The following WDR77 variants were observed in gnomAD, a reference collection of about 807,000 sequenced individuals.
The protein encoded by WDR77 is WD repeat domain 77, also known as methylosome protein WDR77.
A neutral mutation model predicts 44.0 loss-of-function variants in WDR77; 31 were observed. The observed-to-expected ratio is 0.70, with a 90% confidence interval of 0.53 to 0.95. The LOEUF (loss-of-function observed/expected upper bound fraction) is 0.95, where lower values mean the gene tolerates loss of function less well. Among genes scored for constraint, WDR77 ranks in the 40% least tolerant of loss-of-function variants. The probability of loss-of-function intolerance (pLI) is 0.00; values close to 1 mark genes in which losing one functional copy is unlikely to be tolerated. For synonymous variants in WDR77, 186 were observed against 165.7 expected, an observed-to-expected ratio of 1.12 and a Z score of -0.94; for missense variants, 390 against 423.9, an observed-to-expected ratio of 0.92 and a Z score of 0.70.
intron 4 of WDR77, among the ~76,000 whole-genome samples, chr1:111,444,539 G>C (rs1652946557): frequency 6.6e-6 from 1 of 152,100 alleles, no homozygotes; most frequent in African/African-American, 2.4e-5. Context: ...TTTCTCTAAT[G>C]TTCTCTTTCT....
chr1:111,442,178 A>G (rs935052023), intron 8 of WDR77, 85 bp from the exon 9 acceptor site: 5 of 1,347,356 alleles, frequency 3.7e-6, no homozygotes, highest in Non-Finnish European at 5.3e-6. Flanking sequence ...CCGCCACTGT[A>G]AAGTGACCCA....
At position 111,448,797 on chromosome 1, in the gene WDR77, C is replaced by A. The variant is rs897087091; in HGVS notation, c.123G>T (p.Ala41=). 1.3e-6 allele frequency: 2 copies of A among 1,579,242 alleles called. No individual in the cohort carries two copies. Among genetic ancestry groups the A allele is most frequent in the African/African-American group, 1.4e-5 (1 of 73,960 alleles). The change falls in exon 2 of 10, where the codon GCG becomes GCT. Residue 41 remains alanine (A), a synonymous_variant. Transcript: ENST00000235090. ...TCAGGCTGGAGGCCCCGAGGAGAAGCGCCCCATCTACGGGGGGTACAAGCT... is the reference window on the plus strand; with the variant it reads ...TCAGGCTGGAGGCCCCGAGGAGAAGAGCCCCATCTACGGGGGGTACAAGCT... ...LEAARYRSDG[A]LLLGASSLSG... is the part of the protein sequence containing the mutation.
intron 4 of WDR77, 27 bp from the exon 5 acceptor site, chr1:111,444,151 T>C: frequency 6.2e-7 from 1 of 1,610,426 alleles, no homozygotes; most frequent in Non-Finnish European, 8.5e-7. Context: ...AAGAGAAATA[T>C]GATAGAAAAC....
chr1:111,444,405 A>C (rs1317406529), intron 4 of WDR77, among the ~76,000 whole-genome samples: 1 of 152,048 alleles, frequency 6.6e-6, no homozygotes, highest in Non-Finnish European at 1.5e-5. Context: ...CAGTTTAGGC[A>C]TCCTAGACGT....
chr1:111,444,205 G>A lies in WDR77; in HGVS notation c.494-81C>T, dbSNP rs573697076. The A allele has an allele frequency of 2.1e-5, 29 of 1,408,216 alleles. No homozygotes were observed. In the African/African-American group the frequency reaches 3.0e-4, roughly 14 times the overall value. 87.2% of individuals were successfully genotyped at this position (1,408,216 alleles called of 1,614,324 possible). On this transcript the variant is annotated intron_variant, in intron 4 of 9. Coordinates refer to ENST00000235090, the MANE Select transcript of WDR77 (RefSeq NM_024102.4). The stretch of plus-strand genomic sequence containing the variant: ...AGGGCCAGCCCAGGAATAATCAAGG[G>A]GCAGGAGGGAGGGAGGGCTGGTCTC...
In WDR77 at chr1:111,448,153, T is replaced by G. The variant is rs141152553; in HGVS notation, c.301+466A>C. Reference sequence around the variant, plus strand: ...CAAAAACTGGGACTTTAAACTTCCATGCAATGCCGGCCAACTTCCAAATTC... The same window carrying G: ...CAAAAACTGGGACTTTAAACTTCCAGGCAATGCCGGCCAACTTCCAAATTC... On this transcript the variant is annotated intron_variant, in intron 2 of 9. Coordinates refer to ENST00000235090, the MANE Select transcript of WDR77 (RefSeq NM_024102.4). Among the ~76,000 whole-genome samples, 288 of 150,884 alleles carry G rather than the reference T, an allele frequency of 1.9e-3. 1 individual carries two copies. Among genetic ancestry groups the G allele is most frequent in the African/African-American group, 6.5e-3 (264 of 40,864 alleles).
Position 111,447,137 on chromosome 1 carries a change from C to A in WDR77, c.451G>T (p.Val151Phe), listed in dbSNP as rs752952211. 3.1e-6 allele frequency: 5 copies of A among 1,614,158 alleles called. No homozygotes were observed. In the South Asian group the frequency reaches 3.3e-5, roughly 11 times the overall value. The change falls in exon 4 of 10, where the codon GTT (valine) becomes TTT (phenylalanine). Residue 151 changes from valine to phenylalanine, a missense_variant. Transcript: ENST00000235090. ...VSGSKDICIKVWDLAQQVVLS... is the reference protein window; with the variant it reads ...VSGSKDICIKFWDLAQQVVLS... ...ACCACCTGCTGAGCAAGGTCCCAAA[C>A]CTTGATGCTAAGAAGCAAAAGCAAA...
In WDR77 at chr1:111,441,122, T is replaced by TA. The variant is rs1652791942; in HGVS notation, c.*107dup. On this transcript the variant is annotated 3_prime_UTR_variant, in exon 10 of 10. Transcript: ENST00000235090. ...ACGATGCCTATTAACGGCACAGATC[T>TA]AGCATATCAACATACTATAGAAGGC... The TA allele has an allele frequency of 1.7e-6, 2 of 1,202,454 alleles. No individual in the cohort carries two copies. Among genetic ancestry groups the TA allele is most frequent in the South Asian group, 5.7e-5 (2 of 34,806 alleles). The allele number at this position is 1,202,454 out of a possible 1,614,324, so 74.5% of individuals were successfully genotyped here.
chr1:111,443,937 A>T lies in WDR77; in HGVS notation c.565-16T>A. 1.2e-6 allele frequency: 2 copies of T among 1,614,228 alleles called. No individual in the cohort carries two copies. The highest frequency in any genetic ancestry group is 1.7e-6 in the Non-Finnish European group (2 of 1,180,036). Reference sequence around the variant, plus strand: ...TTCTATTGTCCTAGAGGAAGGTGGAACAGAAAAAGGATTTCATAATCCAAA... The same window carrying T: ...TTCTATTGTCCTAGAGGAAGGTGGATCAGAAAAAGGATTTCATAATCCAAA... On this transcript the variant is annotated splice_polypyrimidine_tract_variant and intron_variant, in intron 5 of 9. Coordinates refer to ENST00000235090, the MANE Select transcript of WDR77 (RefSeq NM_024102.4).
chr1:111,447,887 C>T (rs941055683), intron 2 of WDR77, among the ~76,000 whole-genome samples: 2 of 152,186 alleles, frequency 1.3e-5, no homozygotes, highest in African/African-American at 2.4e-5. Context: ...TGCAAGGGGA[C>T]AAGGATGAAG....
intron 4 of WDR77, among the ~76,000 whole-genome samples, chr1:111,444,907 T>C (rs1320907042): frequency 1.3e-5 from 2 of 152,244 alleles, no homozygotes; most frequent in Non-Finnish European, 1.5e-5. Flanking sequence ...AAGTCAGACT[T>C]TTTCTGACAG....
intron 3 of WDR77, 59 bp from the exon 4 acceptor site, chr1:111,447,203 T>C (rs1174419066): frequency 2.5e-6 from 4 of 1,598,504 alleles, no homozygotes; most frequent in Non-Finnish European, 2.6e-6. Flanking sequence ...CATAAAAACG[T>C]GTTCAAACAA....
In WDR77 at chr1:111,441,259, C is replaced by A; in HGVS notation, c.1000G>T (p.Ala334Ser). The A allele has an allele frequency of 6.4e-7, 1 of 1,574,274 alleles. No individual in the cohort carries two copies. Among genetic ancestry groups the A allele is most frequent in the Non-Finnish European group, 8.6e-7 (1 of 1,159,706 alleles). The change falls in exon 10 of 10, where the codon GCC (alanine) becomes TCC (serine). Residue 334 changes from alanine (A) to serine (S), a missense_variant. Transcript: ENST00000235090. ...TCAGTAACACTTGCAGGTCCAGGGG[C>A]TGGGAGAGGTTCTGTGGGCACAACG... ...HHVVPTEPLP[A>S]PGPASVTE
At chr1:111,447,785 A>C (rs1038919790) in intron 2 of WDR77, among the ~76,000 whole-genome samples, 2 of 152,230 alleles carry the variant, frequency 1.3e-5, no homozygotes, top group Non-Finnish European at 2.9e-5. Flanking sequence ...AGCCCAGACA[A>C]GTAGGTGCAG....
At position 111,448,543 on chromosome 1, in the gene WDR77, C is replaced by A; in HGVS notation, c.301+76G>T. The A allele has an allele frequency of 1.9e-6, 3 of 1,583,102 alleles. No individual in the cohort carries two copies. In the South Asian group the frequency reaches 3.4e-5, roughly 18 times the overall value. Reference sequence around the variant, plus strand: ...AGTATAGGACGTTAGATATTGAGCTCAACCCTACGGTACCCCAAGTCTCCA... The same window carrying A: ...AGTATAGGACGTTAGATATTGAGCTAAACCCTACGGTACCCCAAGTCTCCA... On this transcript the variant is annotated intron_variant, in intron 2 of 9. Coordinates refer to ENST00000235090, the MANE Select transcript of WDR77 (RefSeq NM_024102.4).
chr1:111,444,750 AG>A (rs1652959398), intron 4 of WDR77, among the ~76,000 whole-genome samples: 1 of 152,256 alleles, frequency 6.6e-6, no homozygotes, highest in South Asian at 2.1e-4. Context: ...AATTCAATGA[AG>A]GGGGCTGATC....
In WDR77 at chr1:111,448,719, G is replaced by T. The variant is rs750789404; in HGVS notation, c.201C>A (p.Ala67=). 1.2e-6 allele frequency: 2 copies of T among 1,614,136 alleles called. No homozygotes were observed. Among genetic ancestry groups the T allele is most frequent in the Non-Finnish European group, 1.7e-6 (2 of 1,179,990 alleles). ...CGGCGGAGCAGAAGCCTTCGTTGGG[G>T]GCGGCACAGGGGTCCTTAAAAAGCC... ...SLWLFKDPCA[A]PNEGFCSAGV... Residue 67 remains alanine, a synonymous_variant, in exon 2 of 10, where the codon GCC becomes GCA. Transcript: ENST00000235090.
At chr1:111,445,098 C>T in intron 4 of WDR77, among the ~76,000 whole-genome samples, 1 of 152,196 alleles carries the variant, frequency 6.6e-6, no homozygotes, top group Non-Finnish European at 1.5e-5. Context: ...TTCTCTGCAA[C>T]TACTTAAATA....
chr1:111,444,245 C>T lies in WDR77; in HGVS notation c.494-121G>A, dbSNP rs911742179. 9.8e-6 allele frequency: 9 copies of T among 919,158 alleles called. No individual in the cohort carries two copies. The African/African-American group carries it at 1.5e-4, about 15-fold the overall frequency. 56.9% of individuals were successfully genotyped at this position (919,158 alleles called of 1,614,324 possible). A position where few individuals can be genotyped will look rare whatever the true frequency, so the allele number is the denominator to read the frequency against. On this transcript the variant is annotated intron_variant, in intron 4 of 9. Transcript: ENST00000235090. ...GGGCTGGTCTCATGATGCAATTTAA[C>T]AAATTTTGTGGGAGATTATGGATTA...
Sources: allele counts gnomAD v4.1 joint callset (sites outside exome capture counted in the v4.1 genomes callset), GRCh38; gene constraint gnomAD v4.1.1; transcripts MANE v1.5; gene names NCBI Gene and HGNC (gene_info 2026-07-23, HGNC 2026-07-21).